The following NCR1 variants were observed in gnomAD, a reference collection of about 807,000 sequenced individuals.
The protein encoded by NCR1 is NK cell-activating receptor.
Under a neutral mutation model 32.5 loss-of-function variants are expected in NCR1, and 30 were observed. That is an observed-to-expected ratio of 0.92 (90% confidence interval 0.69 to 1.25). The LOEUF (loss-of-function observed/expected upper bound fraction) is 1.25, where lower values mean the gene tolerates loss of function less well. Ranked by LOEUF, NCR1 falls within the 50% of genes most tolerant of loss-of-function variation. The pLI is 0.00. For missense variants in NCR1, 369 were observed against 380.7 expected, an observed-to-expected ratio of 0.97 and a Z score of 0.26; for synonymous variants, 169 against 143.4, an observed-to-expected ratio of 1.18 and a Z score of -1.28.
At chr19:54,903,555 T>TATACATATATGTGTATATATACGC (rs2067370730), upstream of NCR1, among the ~76,000 whole-genome samples, 7 of 131,846 alleles carry the variant, frequency 5.3e-5, no homozygotes, top group Non-Finnish European at 9.7e-5. Context: ...CATGTGTGTA[T>TATACATATATGTGTATATATACGC]ATATACATAT....
At chr19:54,905,587 G>A (rs974170691), upstream of NCR1, among the ~76,000 whole-genome samples, 1 of 152,142 alleles carries the variant, frequency 6.6e-6, no homozygotes, top group Non-Finnish European at 1.5e-5. Context: ...AGGTTATCCT[G>A]TCTAGTGACC....
At chr19:54,901,475 A>T (rs10421281), upstream of NCR1, among the ~76,000 whole-genome samples, 5 of 151,494 alleles carry the variant, frequency 3.3e-5, no homozygotes, top group African/African-American at 1.2e-4. Flanking sequence ...GAGTCTGTAG[A>T]GGGGGGACAG....
At chr19:54,933,910 C>T in the NCR1 span, among the ~76,000 whole-genome samples, 1 of 152,132 alleles carries the variant, frequency 6.6e-6, no homozygotes, top group Non-Finnish European at 1.5e-5. Context: ...GCGAGAAGGC[C>T]AAGATGCAGC....
At chr19:54,934,074 G>T in the NCR1 span, among the ~76,000 whole-genome samples, 1 of 152,126 alleles carries the variant, frequency 6.6e-6, no homozygotes, top group Non-Finnish European at 1.5e-5. The surrounding 1 kb of genome is among the most constrained non-coding windows in gnomAD (Gnocchi z 6.7). Context: ...CTCCTGAGTA[G>T]CTGGGACTAC....
chr19:54,909,348 C>T lies in NCR1; in HGVS notation c.459C>T (p.Phe153=), dbSNP rs745485074. ...YCRLDTATSM[F]LLLKEGRSSH... ...GTCTAGACACTGCAACAAGCATGTT[C>T]TTACTGCTCAAGGAGGGAAGATCCA... The change falls in exon 4 of 7, where the codon TTC becomes TTT. Residue 153 remains phenylalanine (F), a synonymous_variant. Transcript: ENST00000291890. The T allele has an allele frequency of 5.6e-6, 9 of 1,614,114 alleles. No individual in the cohort carries two copies. The highest frequency in any genetic ancestry group is 6.8e-6 in the Non-Finnish European group (8 of 1,180,028).
intron 5 of NCR1, among the ~76,000 whole-genome samples, chr19:54,911,722 C>T (rs1319670821): frequency 6.6e-6 from 1 of 152,014 alleles, no homozygotes; most frequent in African/African-American, 2.4e-5. Context: ...TGTACTCCAG[C>T]CTCAGAGGCC....
downstream of NCR1, among the ~76,000 whole-genome samples, chr19:54,918,925 G>A (rs966036280): frequency 7.9e-5 from 12 of 151,096 alleles, no homozygotes; most frequent in South Asian, 4.2e-4. Context: ...CGGAGGTTGC[G>A]GTGAGCCAAG....
chr19:54,908,234 T>C (rs969126375), intron 3 of NCR1, among the ~76,000 whole-genome samples: 2 of 152,112 alleles, frequency 1.3e-5, no homozygotes, highest in African/African-American at 2.4e-5. Context: ...ACAAAGCACA[T>C]CTTGCACCGC....
chr19:54,920,620 A>G (rs541449832), downstream of NCR1, among the ~76,000 whole-genome samples: 7 of 152,328 alleles, frequency 4.6e-5, no homozygotes, highest in Non-Finnish European at 8.8e-5. Flanking sequence ...GGAGGCCAGC[A>G]GTTCAAGACA....
the NCR1 span, among the ~76,000 whole-genome samples, chr19:54,933,934 C>T: frequency 1.3e-5 from 2 of 152,132 alleles, no homozygotes; most frequent in Admixed American, 6.6e-5. Context: ...CCACCTGGAG[C>T]CATCACAGGA....
the NCR1 span, among the ~76,000 whole-genome samples, chr19:54,929,594 G>A: frequency 6.6e-6 from 1 of 152,050 alleles, no homozygotes; most frequent in Admixed American, 6.6e-5. Flanking sequence ...TCCCACCTAT[G>A]GTTCCCTGGG....
chr19:54,928,906 G>A, the NCR1 span, among the ~76,000 whole-genome samples: 5 of 152,088 alleles, frequency 3.3e-5, no homozygotes, highest in Non-Finnish European at 4.4e-5. Context: ...GGGTTCAAGC[G>A]ATTCTCCTGC....
chr19:54,911,967 A>G (rs1410531209), intron 5 of NCR1, among the ~76,000 whole-genome samples: 1 of 151,920 alleles, frequency 6.6e-6, no homozygotes, highest in Middle Eastern at 3.2e-3. Context: ...ACATGCTCAC[A>G]AGTGCTAGAA....
At chr19:54,927,381 C>G in the NCR1 span, among the ~76,000 whole-genome samples, 1 of 138,772 alleles carries the variant, frequency 7.2e-6, no homozygotes, top group Non-Finnish European at 1.6e-5. Flanking sequence ...AACTCCGTCT[C>G]AAAAAAAAAA....
chr19:54,906,058 G>C, upstream of NCR1: 1 of 1,112,962 alleles, frequency 9.0e-7, no homozygotes, highest in East Asian at 2.4e-5. Context: ...ACGTTCTGAT[G>C]AAAGCAGTCA....
chr19:54,916,984 G>A (rs2068149682), downstream of NCR1, among the ~76,000 whole-genome samples: 1 of 151,968 alleles, frequency 6.6e-6, no homozygotes, highest in Non-Finnish European at 1.5e-5. Context: ...GAAGCTGTCT[G>A]TGTGACCAAC....
At chr19:54,934,359 G>A in the NCR1 span, 2 of 916,586 alleles carry the variant, frequency 2.2e-6, no homozygotes, top group Middle Eastern at 2.3e-4. The surrounding 1 kb of genome is among the most constrained non-coding windows in gnomAD (Gnocchi z 6.7). Flanking sequence ...GAGCCACCGT[G>A]CCGGGCCTGA....
downstream of NCR1, among the ~76,000 whole-genome samples, chr19:54,916,315 TGC>T: frequency 7.6e-6 from 1 of 130,874 alleles, no homozygotes; most frequent in Non-Finnish European, 1.6e-5. Context: ...CTGAATATTG[TGC>T]TTTTTTTTTT....
downstream of NCR1, among the ~76,000 whole-genome samples, chr19:54,918,211 T>C (rs1262044026): frequency 6.6e-6 from 1 of 151,814 alleles, no homozygotes; most frequent in Non-Finnish European, 1.5e-5. Flanking sequence ...GGATTACAGG[T>C]GTAAGCCACC....
Sources: gnomAD v4.1 joint callset for allele counts (sites outside exome capture counted in the v4.1 genomes callset) on GRCh38, gnomAD v4.1.1 for gene constraint, Gnocchi (gnomAD v3.1) non-coding constraint, MANE v1.5 for transcripts, NCBI Gene and HGNC (gene_info 2026-07-23, HGNC 2026-07-21) for gene names.